ZFHX3: variants seen among roughly 807,000 people sequenced by gnomAD.
The protein encoded by ZFHX3 is zinc finger homeobox 3.
A neutral mutation model predicts 279.1 loss-of-function variants in ZFHX3; 42 were observed. The ratio of observed to expected loss-of-function variants is 0.15; its 90% CI spans 0.12 to 0.19. The LOEUF is 0.19. Ranked by LOEUF, ZFHX3 falls within the 10% of genes least tolerant of loss-of-function variation. The pLI is 1.00. For missense variants in ZFHX3, 4,981 were observed against 4,754.0 expected (o/e 1.05, Z -1.40); for synonymous variants, 2,293 against 1,957.8 (o/e 1.17, Z -4.52).
chr16:73,834,352 A>T (rs1325831696), intron 1 of ZFHX3, among the ~76,000 whole-genome samples: 1 of 152,238 alleles, frequency 6.6e-6, no homozygotes, highest in Non-Finnish European at 1.5e-5. Flanking sequence ...AAGTTGTAGG[A>T]TGTAGAGTAA....
At chr16:73,242,344 T>G (rs1216091668) in intron 5 of ZFHX3, among the ~76,000 whole-genome samples, 1 of 152,160 alleles carries the variant, frequency 6.6e-6, no homozygotes, top group East Asian at 1.9e-4. Context: ...AACTATGAAC[T>G]GTCTGCCACC....
intron 3 of ZFHX3, among the ~76,000 whole-genome samples, chr16:73,435,001 A>G (rs756110369): frequency 3.3e-5 from 5 of 152,190 alleles, no homozygotes; most frequent in Admixed American, 6.5e-5. Context: ...ATAGGACTCA[A>G]TACATGTTAT....
intron 3 of ZFHX3, among the ~76,000 whole-genome samples, chr16:73,385,337 G>A (rs1019656053): frequency 6.6e-6 from 1 of 152,156 alleles, no homozygotes; most frequent in Admixed American, 6.5e-5. Context: ...AGCAATTAGG[G>A]CCATGAACAC....
At chr16:72,883,251 C>A (rs777192921) in intron 4 of ZFHX3, among the ~76,000 whole-genome samples, 1 of 152,156 alleles carries the variant, frequency 6.6e-6, no homozygotes, top group African/African-American at 2.4e-5. Context: ...ACCCTGAGAA[C>A]TACTCCTATC....
chr16:73,682,890 GAAAGAA>G (rs1490951610), intron 1 of ZFHX3, among the ~76,000 whole-genome samples: 6 of 46,126 alleles, frequency 1.3e-4, no homozygotes, highest in East Asian at 1.8e-3. Context: ...AAGAAAGAAA[GAAAGAA>G]AGAAAGAAAG....
intron 1 of ZFHX3, among the ~76,000 whole-genome samples, chr16:73,791,167 G>A (rs549260823): frequency 1.4e-4 from 22 of 151,886 alleles, no homozygotes; most frequent in Admixed American, 2.0e-4. Flanking sequence ...ATCTTGCTGT[G>A]TTGCCCAGGC....
At chr16:72,898,255 A>C (rs950900913) in intron 3 of ZFHX3, among the ~76,000 whole-genome samples, 3 of 152,144 alleles carry the variant, frequency 2.0e-5, no homozygotes, top group South Asian at 4.1e-4. Flanking sequence ...AGCCCCAACC[A>C]TGATTTATAA....
intron 2 of ZFHX3, among the ~76,000 whole-genome samples, chr16:73,488,603 T>C (rs1339921960): frequency 2.0e-5 from 3 of 152,176 alleles, no homozygotes; most frequent in Non-Finnish European, 2.9e-5. Context: ...TTGATTACAC[T>C]GGGAAAAGCT....
chr16:73,380,034 T>G (rs12921495), intron 3 of ZFHX3, among the ~76,000 whole-genome samples: 44,115 of 151,928 alleles, frequency 0.29, 7,522 homozygotes, highest in East Asian at 0.6. Flanking sequence ...GGTGAAAACG[T>G]AAAGTACAGA....
chr16:73,562,514 T>A (rs1210858926), intron 2 of ZFHX3, among the ~76,000 whole-genome samples: 2 of 146,006 alleles, frequency 1.4e-5, no homozygotes, highest in African/African-American at 2.6e-5. Context: ...GAGAATGGCG[T>A]GAACCTGGGA....
intron 5 of ZFHX3, among the ~76,000 whole-genome samples, chr16:73,182,213 T>C (rs1967811598): frequency 6.6e-6 from 1 of 152,176 alleles, no homozygotes; most frequent in African/African-American, 2.4e-5. Flanking sequence ...TCCAAGCACT[T>C]TGGGAGGCCA....
intron 4 of ZFHX3, among the ~76,000 whole-genome samples, chr16:73,300,509 C>CTT (rs750858471): frequency 6.9e-6 from 1 of 144,132 alleles, no homozygotes; most frequent in Non-Finnish European, 1.5e-5. Flanking sequence ...TGCTCCTTGA[C>CTT]TTTTTTTTTT....
chr16:73,627,387 G>C (rs2052427263), intron 2 of ZFHX3, among the ~76,000 whole-genome samples: 1 of 152,202 alleles, frequency 6.6e-6, no homozygotes, highest in South Asian at 2.1e-4. Flanking sequence ...TATTGATATA[G>C]TGGAAGTGAA....
At chr16:73,344,838 T>C (rs1597293608) in intron 3 of ZFHX3, among the ~76,000 whole-genome samples, 1 of 152,344 alleles carries the variant, frequency 6.6e-6, no homozygotes, top group South Asian at 2.1e-4. Context: ...ATTTTTCTAC[T>C]AGCTGCTTTT....
chr16:73,561,651 C>A (rs946751729), intron 2 of ZFHX3, among the ~76,000 whole-genome samples: 14 of 151,134 alleles, frequency 9.3e-5, no homozygotes, highest in Non-Finnish European at 1.9e-4. Flanking sequence ...GTTTATTATT[C>A]TTATACTTTA....
intron 5 of ZFHX3, among the ~76,000 whole-genome samples, chr16:73,156,231 CAAAAA>C (rs60993308): frequency 3.4e-5 from 3 of 88,518 alleles, no homozygotes; most frequent in African/African-American, 8.2e-5. Context: ...GACTCCCTCT[CAAAAA>C]AAAAAAAAAA....
intron 2 of ZFHX3, among the ~76,000 whole-genome samples, chr16:73,541,133 A>C (rs976499338): frequency 6.6e-6 from 1 of 152,046 alleles, no homozygotes; most frequent in Non-Finnish European, 1.5e-5. Flanking sequence ...CACCTTTATG[A>C]ATATTTATTT....
chr16:73,126,087 G>A (rs1451982894), intron 7 of ZFHX3, among the ~76,000 whole-genome samples: 1 of 152,100 alleles, frequency 6.6e-6, no homozygotes, highest in Non-Finnish European at 1.5e-5. Flanking sequence ...ACTAGTATGG[G>A]GTTTGTGCTA....
At chr16:73,145,121 C>T (rs1393926285) in intron 5 of ZFHX3, among the ~76,000 whole-genome samples, 4 of 152,294 alleles carry the variant, frequency 2.6e-5, no homozygotes, top group Middle Eastern at 3.4e-3. Flanking sequence ...CTGATGGACA[C>T]GCTTCTGAAC....
Sources: allele counts gnomAD v4.1 joint callset (sites outside exome capture counted in the v4.1 genomes callset), GRCh38; gene constraint gnomAD v4.1.1; transcripts MANE v1.5; gene names NCBI Gene and HGNC (gene_info 2026-07-23, HGNC 2026-07-21).